Variants in MED13L observed in about 807,000 individuals in gnomAD.
MED13L encodes mediator of RNA polymerase II transcription subunit 13-like.
A neutral mutation model predicts 220.9 loss-of-function variants in MED13L; 7 were observed. That is an observed-to-expected ratio of 0.03 (90% CI 0.02 to 0.06). The LOEUF is 0.06. MED13L is among the 10% of genes least tolerant of loss of function. MED13L has a pLI of 1.00. For missense variants in MED13L, 1,965 were observed against 2,760.5 expected (o/e 0.71, Z 6.46); for synonymous variants, 1,011 against 1,015.2 (o/e 1.00, Z 0.08).
At chr12:116,054,211 C>A (rs985258877) in intron 4 of MED13L, among the ~76,000 whole-genome samples, 5 of 143,112 alleles carry the variant, frequency 3.5e-5, no homozygotes, top group Non-Finnish European at 6.3e-5. Flanking sequence ...CACACACACA[C>A]AAACACACAC....
rs141404608 is a variant in MED13L, at chr12:116,071,661, A to G, written c.479+25008T>C. On this transcript the variant is annotated intron_variant, in intron 4 of 30. Transcript: ENST00000281928. ...CTAAACCTCAAACAATATTTTCATC[A>G]TATGATGTGATTAGTGATTAAACAA... is the stretch of plus-strand genomic sequence containing the variant. 7.8e-3 allele frequency among the ~76,000 whole-genome samples: 1,194 copies of G among 152,334 alleles called. 10 individuals are homozygous for G. Among genetic ancestry groups the G allele is most frequent in the African/African-American group, 0.028 (1,146 of 41,564 alleles).
At chr12:116,015,405 C>G (rs1194314442) in intron 7 of MED13L, 131 bp from the exon 8 acceptor site, 1 of 917,248 alleles carries the variant, frequency 1.1e-6, no homozygotes, top group African/African-American at 1.6e-5. Context: ...TCCCTATCCC[C>G]TGGCAATAAC....
rs376460691 is a variant in MED13L at position 115,999,010 on chromosome 12, G to A, written c.2570-1780C>T. 1.9e-4 allele frequency among the ~76,000 whole-genome samples: 29 copies of A among 152,026 alleles called. No individual in the cohort carries two copies. The East Asian group carries it at 1.9e-3, about 10-fold the overall frequency. On this transcript the variant is annotated intron_variant, in intron 14 of 30. Transcript: ENST00000281928. ...AAACTGGCAGAAAACTATTTGAGAG[G>A]CTACATAACCGATACACTCTGAGGT...
intron 3 of MED13L, among the ~76,000 whole-genome samples, chr12:116,106,523 C>T (rs540586943): frequency 3.1e-4 from 47 of 152,246 alleles, no homozygotes; most frequent in African/African-American, 1.1e-3. Context: ...ACTGTGCTTA[C>T]TTAACCAAAA....
At chr12:116,276,625 G>A in intron 1 of MED13L, 15 of 1,197,076 alleles carry the variant, frequency 1.3e-5, no homozygotes, top group Non-Finnish European at 1.6e-5. Context: ...AAAGGCAGGC[G>A]GGCGGGCAGG....
chr12:115,970,445 C>A, intron 27 of MED13L, 149 bp downstream of exon 27: 1 of 753,046 alleles, frequency 1.3e-6, no homozygotes, highest in Admixed American at 2.8e-5. Context: ...GCTTTAAGAC[C>A]AAATAGATTC....
chr12:116,180,795 CAGTA>C (rs1414128209), intron 2 of MED13L, among the ~76,000 whole-genome samples: 3 of 152,284 alleles, frequency 2.0e-5, no homozygotes, highest in African/African-American at 7.2e-5. Context: ...AAGTGATACA[CAGTA>C]AGATATCTAA....
At chr12:116,218,637 ATTTC>A (rs1883139977) in intron 2 of MED13L, among the ~76,000 whole-genome samples, 1 of 152,122 alleles carries the variant, frequency 6.6e-6, no homozygotes, top group Non-Finnish European at 1.5e-5. Flanking sequence ...CCATTTTCAA[ATTTC>A]TTCTCCAAAT....
At chr12:116,071,060 A>G (rs1248898586) in intron 4 of MED13L, among the ~76,000 whole-genome samples, 1 of 152,226 alleles carries the variant, frequency 6.6e-6, no homozygotes, top group Non-Finnish European at 1.5e-5. Context: ...TTTTTAATGA[A>G]TAACGTAATA....
At chr12:116,235,478 T>G (rs995940606) in intron 2 of MED13L, among the ~76,000 whole-genome samples, 1 of 152,150 alleles carries the variant, frequency 6.6e-6, no homozygotes, top group African/African-American at 2.4e-5. Context: ...CATCTAAAAC[T>G]CTTTCAGACT....
chr12:116,018,310 A>C (rs530186888), intron 7 of MED13L, among the ~76,000 whole-genome samples: 58 of 152,218 alleles, frequency 3.8e-4, no homozygotes, highest in Non-Finnish European at 7.5e-4. Context: ...CTTTAACTAT[A>C]AACATTTATT....
At chr12:116,269,933 G>GA (rs1309395526) in intron 1 of MED13L, among the ~76,000 whole-genome samples, 2 of 145,526 alleles carry the variant, frequency 1.4e-5, no homozygotes, top group Non-Finnish European at 3.0e-5. Flanking sequence ...AGAAGTCAAT[G>GA]AAAAAATACA....
intron 2 of MED13L, among the ~76,000 whole-genome samples, chr12:116,142,817 G>C (rs922479050): frequency 6.6e-6 from 1 of 152,148 alleles, no homozygotes; most frequent in Non-Finnish European, 1.5e-5. Context: ...GCAATGTTAA[G>C]TCAAATTTAT....
intron 30 of MED13L, 67 bp downstream of exon 30, chr12:115,963,340 T>C: frequency 7.6e-7 from 1 of 1,311,448 alleles, no homozygotes; most frequent in Non-Finnish European, 1.1e-6. Context: ...TAAAACACCT[T>C]GGAAAGACAA....
At position 116,219,192 on chromosome 12, in the gene MED13L, AC is replaced by A. The variant is rs1166974699; in HGVS notation, c.310+18275del. ...ATTTTATCTTTCTGTACATAACTGG[AC>A]TTATTCTTAACTTATATAGTGAATT... On this transcript the variant is annotated intron_variant, in intron 2 of 30. Transcript: ENST00000281928. 5.9e-5 allele frequency among the ~76,000 whole-genome samples: 9 copies of A among 152,336 alleles called. 4 individuals are homozygous for A. The highest frequency in any genetic ancestry group is 2.2e-4 in the African/African-American group (9 of 41,586).
intron 2 of MED13L, among the ~76,000 whole-genome samples, chr12:116,127,082 T>A (rs992875247): frequency 6.6e-6 from 1 of 152,236 alleles, no homozygotes; most frequent in East Asian, 1.9e-4. Context: ...CTTGAGTATA[T>A]TAATTCTTCT....
intron 29 of MED13L, 72 bp downstream of exon 29, chr12:115,966,010 T>C: frequency 6.4e-7 from 1 of 1,568,718 alleles, no homozygotes; most frequent in Non-Finnish European, 8.8e-7. Context: ...AAAACTGAAA[T>C]TTCTAACCAA....
At chr12:115,997,381 A>C in intron 14 of MED13L, 151 bp from the exon 15 acceptor site, 1 of 665,482 alleles carries the variant, frequency 1.5e-6, no homozygotes, top group Non-Finnish European at 2.6e-6. Context: ...GAAGTGACTA[A>C]GAAGAAGGCC....
chr12:115,966,589 G>A (rs991247213), intron 28 of MED13L, among the ~76,000 whole-genome samples: 4 of 152,168 alleles, frequency 2.6e-5, no homozygotes, highest in African/African-American at 7.2e-5. Flanking sequence ...ACACGCAGGT[G>A]CTCTTTCACC....
Sources: allele counts gnomAD v4.1 joint callset (sites outside exome capture counted in the v4.1 genomes callset), GRCh38; gene constraint gnomAD v4.1.1; transcripts MANE v1.5; gene names NCBI Gene and HGNC (gene_info 2026-07-23, HGNC 2026-07-21).